ZNF778: variants seen among roughly 807,000 people sequenced by gnomAD.
The protein encoded by ZNF778 is zinc finger protein 778.
In ZNF778, 37 loss-of-function variants were observed where a neutral mutation model predicts 23.9. The observed-to-expected ratio is 1.54, with a 90% CI of 1.19 to 2.03. The LOEUF is 2.03. Ranked by LOEUF, ZNF778 falls within the 30% of genes most tolerant of loss-of-function variation. The pLI is 0.00. For synonymous variants in ZNF778, 483 were observed against 343.9 expected (o/e 1.40, Z -4.48); for missense variants, 1,297 against 934.4 (o/e 1.39, Z -5.06).
In ZNF778 at chr16:89,228,479, T is replaced by C. The variant is rs1270301124; in HGVS notation, c.2191T>C (p.Cys731Arg). The C allele has an allele frequency of 1.9e-6, 3 of 1,612,220 alleles. No individual in the cohort carries two copies. Among genetic ancestry groups the C allele is most frequent in the East Asian group, 4.5e-5 (2 of 44,890 alleles). ...TTACACTGAAGAGCAGGTTTTTGTATGTAAGGACTGTGGAAAATCTTTTAA... is the reference window on the plus strand; with the variant it reads ...TTACACTGAAGAGCAGGTTTTTGTACGTAAGGACTGTGGAAAATCTTTTAA... ...KTYTEEQVFVCKDCGKSFKNS... is the reference protein window; with the variant it reads ...KTYTEEQVFVRKDCGKSFKNS... Residue 731 changes from cysteine to arginine, a missense_variant, in exon 7 of 7, where the codon TGT becomes CGT. Physicochemically the swap from Cys to Arg is radical, Grantham distance 180. Coordinates refer to ENST00000433976, the MANE Select transcript of ZNF778 (RefSeq NM_001201407.2).
At position 89,228,202 on chromosome 16, in the gene ZNF778, C is replaced by G. The variant is rs2031677158; in HGVS notation, c.1914C>G (p.Thr638=). ...TSSHLIVHIR[T]HTGEKPYICK... ...CACACCTTATCGTGCACATAAGAAC[C>G]CACACCGGTGAGAAACCCTACATAT... is the stretch of plus-strand genomic sequence containing the variant. The change falls in exon 7 of 7, where the codon ACC becomes ACG. Residue 638 remains threonine (T), a synonymous_variant. Transcript: ENST00000433976. The G allele has an allele frequency of 6.2e-6, 10 of 1,613,112 alleles. No homozygotes were observed. The African/African-American group carries it at 6.7e-5, about 11-fold the overall frequency.
chr16:89,227,201 G>C lies in ZNF778; in HGVS notation c.913G>C (p.Gly305Arg). ...TACTGGTCGCGTGCAAGTCCACCCT[G>C]GGGAAAAGCCCTGTGAATTGGAAGA... ...YLTGRVQVHP[G>R]EKPCELEECG... The change falls in exon 7 of 7, where the codon GGG becomes CGG. Residue 305 changes from glycine to arginine, a missense_variant. Coordinates refer to ENST00000433976, the MANE Select transcript of ZNF778 (RefSeq NM_001201407.2). 1 of 1,613,934 alleles carries C rather than the reference G, an allele frequency of 6.2e-7. No homozygotes were observed.
chr16:89,227,477 G>C lies in ZNF778; in HGVS notation c.1189G>C (p.Val397Leu), dbSNP rs765731648. Residue 397 changes from valine (V) to leucine (L), a missense_variant, in exon 7 of 7, where the codon GTT becomes CTT. By Grantham distance (32) the Val-to-Leu change is conservative. Coordinates refer to ENST00000433976, the MANE Select transcript of ZNF778 (RefSeq NM_001201407.2). ...GAGGGAGAAGCCCTTTGCATGTGTG[G>C]TTTGCGGAAAATATTTTAGAAATTC... is the stretch of plus-strand genomic sequence containing the variant. ...HTREKPFACV[V>L]CGKYFRNSSC... is the part of the protein sequence containing the mutation. The C allele has an allele frequency of 1.2e-6, 2 of 1,613,920 alleles. No individual in the cohort carries two copies. The highest frequency in any genetic ancestry group is 3.3e-5 in the Admixed American group (2 of 60,006).
chr16:89,224,378 G>A lies in ZNF778; in HGVS notation c.245-341G>A, dbSNP rs1007094352. 3.3e-5 allele frequency among the ~76,000 whole-genome samples: 5 copies of A among 152,226 alleles called. No homozygotes were observed. The East Asian group carries it at 9.6e-4, about 29-fold the overall frequency. On this transcript the variant is annotated intron_variant, in intron 4 of 6. Coordinates refer to ENST00000433976, the MANE Select transcript of ZNF778 (RefSeq NM_001201407.2). ...TCATGCCTGTAATCCTAGCACTTTT[G>A]AGAGGCCGGGGTGGGCGGATCACAA... is the stretch of plus-strand genomic sequence containing the variant.
At position 89,233,593 on chromosome 16, in the gene ZNF778, T is replaced by G; in HGVS notation, c.*5031T>G. ...GCTCGCACTGCATATGCAACGCAAC[T>G]CAACTCATACTGCATATGCAACTCA... is the stretch of plus-strand genomic sequence containing the variant. On this transcript the variant is annotated 3_prime_UTR_variant, in exon 7 of 7. Transcript: ENST00000433976. 8.9e-7 allele frequency: 1 copy of G among 1,129,772 alleles called. No homozygotes were observed. The highest frequency in any genetic ancestry group is 1.2e-6 in the Non-Finnish European group (1 of 865,360). 70.0% of individuals were successfully genotyped at this position (1,129,772 alleles called of 1,614,324 possible). A position where few individuals can be genotyped will look rare whatever the true frequency, so the allele number is the denominator to read the frequency against.
At position 89,228,040 on chromosome 16, in the gene ZNF778, T is replaced by C. The variant is rs752875548; in HGVS notation, c.1752T>C (p.Thr584=). 3 of 1,589,340 alleles carry C rather than the reference T, an allele frequency of 1.9e-6. No individual in the cohort carries two copies. The African/African-American group carries it at 4.0e-5, about 21-fold the overall frequency. ...TGAATAAGCACATTCAGATTCACAC[T>C]GGAATAAAACCTTATGAATGTAAGG... is the stretch of plus-strand genomic sequence containing the variant. ...SCLNKHIQIH[T]GIKPYECKDC... is the part of the protein sequence containing the mutation. The change falls in exon 7 of 7, where the codon ACT becomes ACC. Residue 584 remains threonine, a synonymous_variant. Transcript: ENST00000433976.
In ZNF778 at chr16:89,232,604, G is replaced by A. The variant is rs2151640471; in HGVS notation, c.*4042G>A. On this transcript the variant is annotated 3_prime_UTR_variant, in exon 7 of 7. Coordinates refer to ENST00000433976, the MANE Select transcript of ZNF778 (RefSeq NM_001201407.2). ...TCCCAATGTCTGAGGGTTCCTCAGA[G>A]TAAGATAAAATATTAAAGGACCAAT... 1.7e-6 allele frequency: 2 copies of A among 1,192,538 alleles called. No individual in the cohort carries two copies. The highest frequency in any genetic ancestry group is 2.1e-6 in the Non-Finnish European group (2 of 944,108). 73.9% of individuals were successfully genotyped at this position (1,192,538 alleles called of 1,614,324 possible). A position where few individuals can be genotyped will look rare whatever the true frequency, so the allele number is the denominator to read the frequency against.
Position 89,232,667 on chromosome 16 carries a change from AT to A in ZNF778, c.*4109del. The stretch of plus-strand genomic sequence containing the variant: ...GTTTTTTTTTTTTTTGTTAGGGTAC[AT>A]TTTCATCCTGGGGTCTTGCTGTGGG... On this transcript the variant is annotated 3_prime_UTR_variant, in exon 7 of 7. Coordinates refer to ENST00000433976, the MANE Select transcript of ZNF778 (RefSeq NM_001201407.2). The A allele has an allele frequency of 8.2e-7, 1 of 1,215,706 alleles. No individual in the cohort carries two copies. The highest frequency in any genetic ancestry group is 2.3e-4 in the Middle Eastern group (1 of 4,326). The allele number at this position is 1,215,706 out of a possible 1,614,324, so 75.3% of individuals were successfully genotyped here. A position where few individuals can be genotyped will look rare whatever the true frequency, so the allele number is the denominator to read the frequency against.
chr16:89,234,340 C>G lies in ZNF778; in HGVS notation c.*5778C>G, dbSNP rs1235817277. On this transcript the variant is annotated 3_prime_UTR_variant, in exon 7 of 7. Coordinates refer to ENST00000433976, the MANE Select transcript of ZNF778 (RefSeq NM_001201407.2). ...TTATTCTTTCTCTCTACTCGTTCAACCTTCTTAGGGAGTGACGTTTTTTCC... is the reference window on the plus strand; with the variant it reads ...TTATTCTTTCTCTCTACTCGTTCAAGCTTCTTAGGGAGTGACGTTTTTTCC... 3.1e-6 allele frequency: 1 copy of G among 321,272 alleles called. No homozygotes were observed. Among genetic ancestry groups the G allele is most frequent in the Admixed American group, 4.6e-5 (1 of 21,954 alleles). The allele number at this position is 321,272 out of a possible 1,614,324, so 19.9% of individuals were successfully genotyped here. A position where few individuals can be genotyped will look rare whatever the true frequency, so the allele number is the denominator to read the frequency against.
Position 89,224,699 on chromosome 16 carries a change from G to A in ZNF778, c.245-20G>A, listed in dbSNP as rs747969893. The A allele has an allele frequency of 6.6e-7, 1 of 1,525,740 alleles. No homozygotes were observed. The highest frequency in any genetic ancestry group is 1.2e-5 in the South Asian group (1 of 83,842). 94.5% of individuals were successfully genotyped at this position (1,525,740 alleles called of 1,614,324 possible). A position where few individuals can be genotyped will look rare whatever the true frequency, so the allele number is the denominator to read the frequency against. The stretch of plus-strand genomic sequence containing the variant: ...CCCTGCCTGAGCCTCTTCCATCGAT[G>A]TCTCTTTCCCTGTGTACAGGACATC... On this transcript the variant is annotated intron_variant, in intron 4 of 6. Transcript: ENST00000433976.
chr16:89,233,874 C>G lies in ZNF778; in HGVS notation c.*5312C>G, dbSNP rs2032149230. The G allele has an allele frequency of 9.3e-6, 12 of 1,289,806 alleles. No individual in the cohort carries two copies. The highest frequency in any genetic ancestry group is 1.2e-5 in the Non-Finnish European group (12 of 989,112). 79.9% of individuals were successfully genotyped at this position (1,289,806 alleles called of 1,614,324 possible). ...TCCTTTTTCTAACTACCACACCAAG[C>G]CAGTATTTCTCCTCCCTGAAGTCAG... is the stretch of plus-strand genomic sequence containing the variant. On this transcript the variant is annotated 3_prime_UTR_variant, in exon 7 of 7. Coordinates refer to ENST00000433976, the MANE Select transcript of ZNF778 (RefSeq NM_001201407.2).
Position 89,234,473 on chromosome 16 carries a change from G to A in ZNF778, c.*5911G>A, listed in dbSNP as rs969006117. The A allele has an allele frequency of 1.1e-5, 2 of 182,640 alleles. No homozygotes were observed. Among genetic ancestry groups the A allele is most frequent in the Non-Finnish European group, 2.3e-5 (2 of 85,662 alleles). The allele number at this position is 182,640 out of a possible 1,614,324, so 11.3% of individuals were successfully genotyped here. A position where few individuals can be genotyped will look rare whatever the true frequency, so the allele number is the denominator to read the frequency against. On this transcript the variant is annotated 3_prime_UTR_variant, in exon 7 of 7. Transcript: ENST00000433976. The stretch of plus-strand genomic sequence containing the variant: ...ACGCTGGCTATTTTCCTTTTTGGAT[G>A]AAGTACCTGGTCTTGTTTTTTCCTG...
chr16:89,226,812 C>G lies in ZNF778; in HGVS notation c.524C>G (p.Ser175Cys). The change falls in exon 7 of 7, where the codon TCT (serine) becomes TGT (cysteine). Residue 175 changes from serine (S) to cysteine (C), a missense_variant. Transcript: ENST00000433976. ...CAAAATACAGGAGACAGTTGTGTGTCTAATCATTATGAAAGGGACTTTTTT... is the reference window on the plus strand; with the variant it reads ...CAAAATACAGGAGACAGTTGTGTGTGTAATCATTATGAAAGGGACTTTTTT... ...RTQNTGDSCV[S>C]NHYERDFFIP... 6 of 1,613,994 alleles carry G rather than the reference C, an allele frequency of 3.7e-6. No homozygotes were observed. The highest frequency in any genetic ancestry group is 4.2e-6 in the Non-Finnish European group (5 of 1,179,898).
At chr16:89,222,656 G>A (rs1274993267) in intron 3 of ZNF778, among the ~76,000 whole-genome samples, 3 of 152,174 alleles carry the variant, frequency 2.0e-5, no homozygotes, top group South Asian at 2.1e-4. Flanking sequence ...GCACCACTGC[G>A]CCCAGCCACA....
In ZNF778 at chr16:89,226,940, G is replaced by C; in HGVS notation, c.652G>C (p.Ala218Pro). ...SSTPNVVSQQ[A>P]CTRDRSLDYS... ...TACTCCAAATGTTGTTTCCCAGCAAGCATGCACTCGGGACAGATCTCTTGA... is the reference window on the plus strand; with the variant it reads ...TACTCCAAATGTTGTTTCCCAGCAACCATGCACTCGGGACAGATCTCTTGA... The change falls in exon 7 of 7, where the codon GCA (alanine) becomes CCA (proline). Residue 218 changes from alanine to proline, a missense_variant. Transcript: ENST00000433976. The C allele has an allele frequency of 6.2e-7, 1 of 1,614,014 alleles. No homozygotes were observed. The highest frequency in any genetic ancestry group is 8.5e-7 in the Non-Finnish European group (1 of 1,179,882).
At position 89,235,237 on chromosome 16, in the gene ZNF778, C is replaced by G. The variant is rs917921303; in HGVS notation, c.*6675C>G. On this transcript the variant is annotated 3_prime_UTR_variant, in exon 7 of 7. Coordinates refer to ENST00000433976, the MANE Select transcript of ZNF778 (RefSeq NM_001201407.2). ...GGTCCCAGAAGCTTGGCACCAGCACCCACTAGGCTCCAGATCGGGGCCTCA... is the reference window on the plus strand; with the variant it reads ...GGTCCCAGAAGCTTGGCACCAGCACGCACTAGGCTCCAGATCGGGGCCTCA... The G allele has an allele frequency of 6.6e-6, 1 of 152,084 alleles. No homozygotes were observed. Among genetic ancestry groups the G allele is most frequent in the Non-Finnish European group, 1.5e-5 (1 of 68,030 alleles). 9.4% of individuals were successfully genotyped at this position (152,084 alleles called of 1,614,324 possible).
chr16:89,232,476 G>GCAAGTAC lies in ZNF778; in HGVS notation c.*3915_*3921dup. On this transcript the variant is annotated 3_prime_UTR_variant, in exon 7 of 7. Coordinates refer to ENST00000433976, the MANE Select transcript of ZNF778 (RefSeq NM_001201407.2). ...GGAAAACTGGGTTATGGGCAGGACT[G>GCAAGTAC]CAAGTACTGGTTAGGCAGATACCTG... The GCAAGTAC allele has an allele frequency of 4.6e-6, 2 of 436,678 alleles. No homozygotes were observed. Among genetic ancestry groups the GCAAGTAC allele is most frequent in the Non-Finnish European group, 7.6e-6 (2 of 261,516 alleles). 27.1% of individuals were successfully genotyped at this position (436,678 alleles called of 1,614,324 possible).
In ZNF778 at chr16:89,233,698, T is replaced by C. The variant is rs966772747; in HGVS notation, c.*5136T>C. 11 of 1,280,714 alleles carry C rather than the reference T, an allele frequency of 8.6e-6. No individual in the cohort carries two copies. Among genetic ancestry groups the C allele is most frequent in the Non-Finnish European group, 1.1e-5 (11 of 987,108 alleles). 79.3% of individuals were successfully genotyped at this position (1,280,714 alleles called of 1,614,324 possible). On this transcript the variant is annotated 3_prime_UTR_variant, in exon 7 of 7. Coordinates refer to ENST00000433976, the MANE Select transcript of ZNF778 (RefSeq NM_001201407.2). ...CGTATGCAAATCAACTTACTGCATATGCAACTCAACTCACTGCGTATGCAA... is the reference window on the plus strand; with the variant it reads ...CGTATGCAAATCAACTTACTGCATACGCAACTCAACTCACTGCGTATGCAA...
At position 89,233,862 on chromosome 16, in the gene ZNF778, T is replaced by C. The variant is rs1288230573; in HGVS notation, c.*5300T>C. 3.1e-6 allele frequency: 4 copies of C among 1,289,816 alleles called. No individual in the cohort carries two copies. Among genetic ancestry groups the C allele is most frequent in the Non-Finnish European group, 4.0e-6 (4 of 989,192 alleles). 79.9% of individuals were successfully genotyped at this position (1,289,816 alleles called of 1,614,324 possible). Reference sequence around the variant, plus strand: ...TTTCCGGCCACTTCCTTTTTCTAACTACCACACCAAGCCAGTATTTCTCCT... The same window carrying C: ...TTTCCGGCCACTTCCTTTTTCTAACCACCACACCAAGCCAGTATTTCTCCT... On this transcript the variant is annotated 3_prime_UTR_variant, in exon 7 of 7. Transcript: ENST00000433976.
Sources: gnomAD v4.1 joint callset for allele counts (sites outside exome capture counted in the v4.1 genomes callset) on GRCh38, gnomAD v4.1.1 for gene constraint, MANE v1.5 for transcripts, NCBI Gene and HGNC (gene_info 2026-07-23, HGNC 2026-07-21) for gene names.